Variants in CNTN5 observed in about 807,000 individuals in gnomAD.
CNTN5 encodes contactin 5.
In CNTN5, 77 loss-of-function variants were observed where a neutral mutation model predicts 129.1. That is an observed-to-expected ratio of 0.60 (90% CI 0.50 to 0.72). The LOEUF is 0.72. Ranked by LOEUF, CNTN5 falls within the 30% of genes least tolerant of loss-of-function variation. The pLI is 0.00. For missense variants in CNTN5, 1,478 were observed against 1,328.8 expected, an observed-to-expected ratio of 1.11 and a Z score of -1.75; for synonymous variants, 509 against 465.6, an observed-to-expected ratio of 1.09 and a Z score of -1.20.
intron 1 of CNTN5, among the ~76,000 whole-genome samples, chr11:99,219,485 C>A (rs971694466): frequency 4.0e-5 from 6 of 151,696 alleles, no homozygotes; most frequent in African/African-American, 1.2e-4. Flanking sequence ...GAGAACCATA[C>A]AGAGGCCTTA....
chr11:100,325,601 CA>C (rs1951773863), intron 21 of CNTN5, among the ~76,000 whole-genome samples: 1 of 152,172 alleles, frequency 6.6e-6, no homozygotes, highest in Admixed American at 6.5e-5. Flanking sequence ...TTCAACAAAA[CA>C]ACTTCACTCA....
intron 3 of CNTN5, among the ~76,000 whole-genome samples, chr11:99,811,226 T>C (rs1012139477): frequency 6.6e-6 from 1 of 152,020 alleles, no homozygotes; most frequent in African/African-American, 2.4e-5. Flanking sequence ...ATCAATATTT[T>C]AGGAGCGGTA....
At chr11:100,016,709 G>A (rs1940838554) in intron 9 of CNTN5, among the ~76,000 whole-genome samples, 1 of 151,960 alleles carries the variant, frequency 6.6e-6, no homozygotes, top group Non-Finnish European at 1.5e-5. Flanking sequence ...AAACATGTAA[G>A]CATGTTTATG....
chr11:100,018,314 T>C (rs2137551402), intron 9 of CNTN5, among the ~76,000 whole-genome samples: 1 of 152,040 alleles, frequency 6.6e-6, no homozygotes, highest in Admixed American at 6.6e-5. Context: ...CTCCTTCCCA[T>C]CCACGCATCC....
intron 2 of CNTN5, among the ~76,000 whole-genome samples, chr11:99,413,438 G>A (rs958138383): frequency 2.0e-5 from 3 of 152,068 alleles, no homozygotes; most frequent in Non-Finnish European, 4.4e-5. Flanking sequence ...AGCCTACATG[G>A]TGAAACACTG....
intron 3 of CNTN5, among the ~76,000 whole-genome samples, chr11:99,779,137 C>T (rs1461132509): frequency 1.3e-5 from 2 of 151,756 alleles, no homozygotes; most frequent in Admixed American, 6.6e-5. Context: ...ACTTTATAAA[C>T]ATTTGCATAT....
chr11:100,053,364 C>T (rs575474291), intron 9 of CNTN5, among the ~76,000 whole-genome samples: 20 of 151,438 alleles, frequency 1.3e-4, no homozygotes, highest in Admixed American at 4.0e-4. Flanking sequence ...AACTTGTATC[C>T]AGTATGAACT....
chr11:100,355,997 CACTCT>C (rs879937026), intron 24 of CNTN5, 115 bp from the exon 25 acceptor site: 40 of 660,658 alleles, frequency 6.1e-5, no homozygotes, highest in Non-Finnish European at 9.2e-5. Flanking sequence ...ATATAAAGAA[CACTCT>C]CATCAGAAAC....
At chr11:99,473,866 C>G (rs75601827) in intron 2 of CNTN5, among the ~76,000 whole-genome samples, 22 of 151,918 alleles carry the variant, frequency 1.4e-4, no homozygotes, top group African/African-American at 4.6e-4. Context: ...TCTTTATAAA[C>G]CATAGACAGT....
chr11:99,760,552 T>C (rs1259672728), intron 3 of CNTN5, among the ~76,000 whole-genome samples: 2 of 152,128 alleles, frequency 1.3e-5, no homozygotes, highest in Non-Finnish European at 2.9e-5. Context: ...TAATGCTATG[T>C]TTTTATTTCT....
intron 3 of CNTN5, among the ~76,000 whole-genome samples, chr11:99,581,691 C>T (rs1239682535): frequency 2.0e-5 from 3 of 152,080 alleles, no homozygotes; most frequent in East Asian, 1.9e-4. Context: ...CTTGGTAGAT[C>T]GTCCTCTATC....
At chr11:100,157,697 T>C (rs1947302955) in intron 13 of CNTN5, among the ~76,000 whole-genome samples, 1 of 151,778 alleles carries the variant, frequency 6.6e-6, no homozygotes, top group African/African-American at 2.4e-5. Flanking sequence ...ACAACTATGA[T>C]ACAGTCTTAT....
At chr11:100,153,003 T>C (rs1327308035) in intron 13 of CNTN5, among the ~76,000 whole-genome samples, 1 of 152,040 alleles carries the variant, frequency 6.6e-6, no homozygotes, top group Non-Finnish European at 1.5e-5. Context: ...TTTAATGGCT[T>C]AACCACAAAA....
chr11:99,350,052 A>G (rs1487136216), intron 2 of CNTN5, among the ~76,000 whole-genome samples: 1 of 152,150 alleles, frequency 6.6e-6, no homozygotes, highest in African/African-American at 2.4e-5. Flanking sequence ...ATTGCCAACT[A>G]AAGTCCCTTT....
At chr11:99,650,129 T>G (rs1271002811) in intron 3 of CNTN5, among the ~76,000 whole-genome samples, 6 of 151,874 alleles carry the variant, frequency 4.0e-5, no homozygotes, top group Non-Finnish European at 8.8e-5. Flanking sequence ...TGTAATAAAT[T>G]TTTTGGTATG....
chr11:99,259,829 C>T (rs1036451355), intron 1 of CNTN5, among the ~76,000 whole-genome samples: 2 of 151,792 alleles, frequency 1.3e-5, no homozygotes, highest in South Asian at 2.1e-4. Context: ...CTTCCAGACT[C>T]ATGTGGTATA....
chr11:99,205,434 G>C (rs758793420), intron 1 of CNTN5, among the ~76,000 whole-genome samples: 3 of 152,050 alleles, frequency 2.0e-5, no homozygotes, highest in Non-Finnish European at 2.9e-5. Flanking sequence ...TGTGTCTGCT[G>C]TAGCAATACC....
intron 7 of CNTN5, among the ~76,000 whole-genome samples, chr11:99,940,621 T>G (rs1950413051): frequency 6.6e-6 from 1 of 152,260 alleles, no homozygotes; most frequent in South Asian, 2.1e-4. Flanking sequence ...GATAAAATTA[T>G]TGATGAAAGT....
At chr11:99,789,235 GAC>G (rs756273986) in intron 3 of CNTN5, among the ~76,000 whole-genome samples, 28 of 151,764 alleles carry the variant, frequency 1.8e-4, no homozygotes, top group Non-Finnish European at 3.4e-4. Context: ...TTTTGTACCA[GAC>G]AATGTACTCA....
Sources: allele counts gnomAD v4.1 joint callset (sites outside exome capture counted in the v4.1 genomes callset), GRCh38; gene constraint gnomAD v4.1.1; transcripts MANE v1.5; gene names NCBI Gene and HGNC (gene_info 2026-07-23, HGNC 2026-07-21).